Variants in TYW1B observed in about 807,000 individuals in gnomAD.
The protein encoded by TYW1B is S-adenosyl-L-methionine-dependent tRNA 4-demethylwyosine synthase TYW1B.
Under a neutral mutation model 86.9 loss-of-function variants are expected in TYW1B, and 73 were observed. The observed-to-expected ratio is 0.84, with a 90% confidence interval of 0.70 to 1.02. The LOEUF is 1.02. Ranked by LOEUF, TYW1B falls within the 50% of genes least tolerant of loss-of-function variation. TYW1B has a pLI of 0.00. For synonymous variants in TYW1B, 248 were observed against 292.8 expected, an observed-to-expected ratio of 0.85 and a Z score of 1.56; for missense variants, 637 against 827.4, an observed-to-expected ratio of 0.77 and a Z score of 2.82.
intron 6 of TYW1B, among the ~76,000 whole-genome samples, chr7:72,796,847 C>T (rs9791554): frequency 0.69 from 102,666 of 149,816 alleles, 36,147 homozygotes; most frequent in Non-Finnish European, 0.77. Context: ...TATATCTGGG[C>T]CAGTCATGGT....
intron 9 of TYW1B, among the ~76,000 whole-genome samples, chr7:72,715,845 T>A (rs760234606): frequency 6.6e-6 from 1 of 152,166 alleles, no homozygotes; most frequent in Non-Finnish European, 1.5e-5. Flanking sequence ...CTCTGCAGGA[T>A]AGGGGTTCCT....
At chr7:72,582,824 A>G (rs1373379995) in intron 13 of TYW1B, among the ~76,000 whole-genome samples, 1 of 152,214 alleles carries the variant, frequency 6.6e-6, no homozygotes. Flanking sequence ...TTAACAAAAG[A>G]ACACAGAAAT....
chr7:72,671,751 G>A (rs1307802721), intron 11 of TYW1B, among the ~76,000 whole-genome samples: 2 of 151,538 alleles, frequency 1.3e-5, no homozygotes, highest in Non-Finnish European at 2.9e-5. Flanking sequence ...AGTATGTTTA[G>A]GACATTTTAG....
chr7:72,782,228 G>A (rs1362826587), intron 6 of TYW1B, among the ~76,000 whole-genome samples: 1 of 152,072 alleles, frequency 6.6e-6, no homozygotes, highest in African/African-American at 2.4e-5. Flanking sequence ...GTTCAAGGCT[G>A]TGGTGAGCTA....
Position 72,682,822 on chromosome 7 carries a change from A to C in TYW1B, c.1506+11865T>G, listed in dbSNP as rs1193207401. On this transcript the variant is annotated intron_variant, in intron 11 of 13. Transcript: ENST00000620995. ...GACCAGCGCCAACACAGGGAAACTG[A>C]ACTGTAATTGACGAAGTGCTGGAGG... is the stretch of plus-strand genomic sequence containing the variant. Among the ~76,000 whole-genome samples, 13 of 152,310 alleles carry C rather than the reference A, an allele frequency of 8.5e-5. No homozygotes were observed. The East Asian group carries it at 2.5e-3, about 29-fold the overall frequency.
At position 72,807,099 on chromosome 7, in the gene TYW1B, T is replaced by A. The variant is rs782086272; in HGVS notation, c.690A>T (p.Gln230His). ...CTCTGTGATGCAATTCGTCCTGCTC[T>A]TGAGATCCTTCCTCCCTCTCCTCTG... The part of the protein sequence containing the change: ...HGSEEREEGS[Q>H]EQDELHHRDT... Residue 230 changes from glutamine (Q) to histidine (H), a missense_variant, in exon 5 of 14, where the codon CAA becomes CAT. By Grantham distance (24) the Gln-to-His change is conservative. Coordinates refer to ENST00000620995, the MANE Select transcript of TYW1B (RefSeq NM_001145440.3). 10 of 1,614,188 alleles carry A rather than the reference T, an allele frequency of 6.2e-6. No individual in the cohort carries two copies. In the East Asian group the frequency reaches 2.2e-4, roughly 36 times the overall value.
At chr7:72,644,275 G>A (rs146845696) in intron 11 of TYW1B, among the ~76,000 whole-genome samples, 2,372 of 152,214 alleles carry the variant, frequency 0.016, 41 homozygotes, top group African/African-American at 0.053. Context: ...GTAGGTAGGG[G>A]GCTGGGGCTC....
chr7:72,599,275 GA>G (rs565616478), intron 13 of TYW1B, among the ~76,000 whole-genome samples: 53 of 148,696 alleles, frequency 3.6e-4, no homozygotes, highest in African/African-American at 9.3e-4. Flanking sequence ...ATAGGCTAAA[GA>G]AAAAAAAAAT....
At chr7:72,774,271 T>C (rs1554470150) in intron 7 of TYW1B, among the ~76,000 whole-genome samples, 1 of 148,646 alleles carries the variant, frequency 6.7e-6, no homozygotes, top group Non-Finnish European at 1.5e-5. Context: ...GCCTCAACAG[T>C]GAAGAATAAT....
chr7:72,581,612 C>A (rs1183551604), intron 13 of TYW1B, among the ~76,000 whole-genome samples: 5 of 151,946 alleles, frequency 3.3e-5, no homozygotes. Context: ...GTGTGCACCA[C>A]CATACCCAGC....
intron 8 of TYW1B, among the ~76,000 whole-genome samples, chr7:72,735,111 C>A (rs1787175688): frequency 6.6e-6 from 1 of 152,070 alleles, no homozygotes; most frequent in Non-Finnish European, 1.5e-5. Flanking sequence ...AATATACATC[C>A]AAAGGAAAGG....
At chr7:72,825,659 C>A (rs1337321973) in intron 2 of TYW1B, among the ~76,000 whole-genome samples, 1 of 152,250 alleles carries the variant, frequency 6.6e-6, no homozygotes, top group East Asian at 1.9e-4. Flanking sequence ...GCCTGGGTGA[C>A]AGAGTGAGAC....
intron 10 of TYW1B, among the ~76,000 whole-genome samples, chr7:72,702,990 A>ATC (rs1814512004): frequency 3.7e-4 from 44 of 118,914 alleles, no homozygotes; most frequent in African/African-American, 1.4e-3. Flanking sequence ...ATCTATCTAT[A>ATC]TATATATATA....
At chr7:72,654,371 A>G (rs1554443320) in intron 11 of TYW1B, among the ~76,000 whole-genome samples, 1 of 152,180 alleles carries the variant, frequency 6.6e-6, no homozygotes, top group African/African-American at 2.4e-5. Flanking sequence ...ATCCTAATCA[A>G]GGGACATTCT....
rs150738699 is a variant in TYW1B at position 72,739,522 on chromosome 7, C to T, written c.1082+4962G>A. On this transcript the variant is annotated intron_variant, in intron 8 of 13. Transcript: ENST00000620995. ...TCAGGAGGCTGAGGCAGGAGAATGG[C>T]GTGAACCCGGGAGGCGGAGGTTGCA... 2.7e-3 allele frequency among the ~76,000 whole-genome samples: 398 copies of T among 149,518 alleles called. 3 individuals carry two copies. The highest frequency in any genetic ancestry group is 8.8e-3 in the African/African-American group (350 of 39,722).
chr7:72,753,723 C>T (rs1323710613), intron 7 of TYW1B, among the ~76,000 whole-genome samples: 1 of 152,070 alleles, frequency 6.6e-6, no homozygotes, highest in Non-Finnish European at 1.5e-5. Flanking sequence ...TCGTGATCCA[C>T]CCATCTCAGC....
chr7:72,596,802 G>A (rs1811544626), intron 13 of TYW1B, among the ~76,000 whole-genome samples: 1 of 151,986 alleles, frequency 6.6e-6, no homozygotes, highest in Non-Finnish European at 1.5e-5. Context: ...TAAAAGGCAT[G>A]CATCAAAAGG....
intron 11 of TYW1B, among the ~76,000 whole-genome samples, chr7:72,685,657 C>T (rs1813992367): frequency 6.6e-6 from 1 of 152,030 alleles, no homozygotes. Context: ...CAAAAATTAA[C>T]TCTAACTGGA....
intron 12 of TYW1B, among the ~76,000 whole-genome samples, chr7:72,619,212 T>TA (rs1289232833): frequency 6.6e-6 from 1 of 152,154 alleles, no homozygotes; most frequent in Non-Finnish European, 1.5e-5. Flanking sequence ...CGACTTGCAA[T>TA]AAAAAAGCTT....
Sources: allele counts gnomAD v4.1 joint callset (sites outside exome capture counted in the v4.1 genomes callset), GRCh38; gene constraint gnomAD v4.1.1; transcripts MANE v1.5; gene names NCBI Gene and HGNC (gene_info 2026-07-23, HGNC 2026-07-21).